Variants in ARFGEF3 observed in about 807,000 individuals in gnomAD.
ARFGEF3 encodes brefeldin A-inhibited guanine nucleotide-exchange protein 3.
In ARFGEF3, 96 loss-of-function variants were observed where a neutral mutation model predicts 221.7. The ratio of observed to expected loss-of-function variants is 0.43; its 90% CI spans 0.37 to 0.51. ARFGEF3 has a LOEUF of 0.51. ARFGEF3 is among the 20% of genes least tolerant of loss of function. The pLI is 0.00. For synonymous variants in ARFGEF3, 1,145 were observed against 1,126.8 expected, an observed-to-expected ratio of 1.02 and a Z score of -0.32; for missense variants, 2,410 against 2,789.9, an observed-to-expected ratio of 0.86 and a Z score of 3.07.
rs1780439789 is a variant in ARFGEF3, at chr6:138,342,084, T to C, written c.*5598T>C. ...CAACTGTTCGTACTGTTAATTCCTA[T>C]CCTGAAGGTTTAACCAGTGGTTGTC... is the stretch of plus-strand genomic sequence containing the variant. On this transcript the variant is annotated 3_prime_UTR_variant, in exon 34 of 34. Transcript: ENST00000251691. 6.6e-6 allele frequency: 1 copy of C among 152,204 alleles called. No homozygotes were observed. The highest frequency in any genetic ancestry group is 2.1e-4 in the South Asian group (1 of 4,826). 9.4% of individuals were successfully genotyped at this position (152,204 alleles called of 1,614,324 possible).
intron 8 of ARFGEF3, among the ~76,000 whole-genome samples, chr6:138,252,090 C>T (rs1251260853): frequency 6.6e-6 from 1 of 152,174 alleles, no homozygotes; most frequent in Admixed American, 6.5e-5. Flanking sequence ...TTTGTGGAGA[C>T]TCAGCCTTTC....
rs758591356 is a variant in ARFGEF3 at position 138,291,091 on chromosome 6, G to A, written c.3048-642G>A. Among the ~76,000 whole-genome samples, 19 of 152,070 alleles carry A rather than the reference G, an allele frequency of 1.2e-4. No homozygotes were observed. Among genetic ancestry groups the A allele is most frequent in the Non-Finnish European group, 2.1e-4 (14 of 68,014 alleles). On this transcript the variant is annotated intron_variant, in intron 18 of 33. Transcript: ENST00000251691. This position sits in a 1 kb window ranked among gnomAD's most constrained non-coding sequence, Gnocchi z 4.5. ...ATGAGGGACCTTGCGAACCATCTTC[G>A]TCCCAGGTTCTGTTGGGAACAAACC...
At chr6:138,233,557 T>G (rs941300032) in intron 5 of ARFGEF3, among the ~76,000 whole-genome samples, 3 of 152,072 alleles carry the variant, frequency 2.0e-5, no homozygotes, top group Non-Finnish European at 2.9e-5. Flanking sequence ...TTTTGTATTT[T>G]TAGTAGAGTT....
At chr6:138,267,091 C>A (rs1213909394) in intron 12 of ARFGEF3, among the ~76,000 whole-genome samples, 1 of 151,352 alleles carries the variant, frequency 6.6e-6, no homozygotes, top group African/African-American at 2.4e-5. Context: ...TATTAGAGTG[C>A]AGCATGGCCA....
rs910027541 is a variant in ARFGEF3 at position 138,210,060 on chromosome 6, A to C, written c.351+19A>C. On this transcript the variant is annotated intron_variant, in intron 4 of 33. Coordinates refer to ENST00000251691, the MANE Select transcript of ARFGEF3 (RefSeq NM_020340.5). ...GATGAAGGTTGGTTTGACGTGGCCAAGAGTGTGCGTCACTGGGACAGGAAC... is the reference window on the plus strand; with the variant it reads ...GATGAAGGTTGGTTTGACGTGGCCACGAGTGTGCGTCACTGGGACAGGAAC... 3.7e-6 allele frequency: 6 copies of C among 1,612,114 alleles called. No homozygotes were observed. The African/African-American group carries it at 4.0e-5, about 11-fold the overall frequency.
chr6:138,341,329 C>A lies in ARFGEF3; in HGVS notation c.*4843C>A, dbSNP rs573756469. 1 of 154,926 alleles carries A rather than the reference C, an allele frequency of 6.5e-6. No individual in the cohort carries two copies. Among genetic ancestry groups the A allele is most frequent in the South Asian group, 2.0e-4 (1 of 4,926 alleles). The allele number at this position is 154,926 out of a possible 1,614,324, so 9.6% of individuals were successfully genotyped here. On this transcript the variant is annotated 3_prime_UTR_variant, in exon 34 of 34. Transcript: ENST00000251691. ...TCTGAAGAGGAAGCAGCTGGTTGGA[C>A]AGGATTTCTTGAAGAGCCAGGTGCT...
At chr6:138,214,810 G>A (rs1777804752) in intron 4 of ARFGEF3, among the ~76,000 whole-genome samples, 1 of 152,214 alleles carries the variant, frequency 6.6e-6, no homozygotes, top group African/African-American at 2.4e-5. Context: ...AGTGAAGCCT[G>A]CTTCTGACAA....
intron 4 of ARFGEF3, among the ~76,000 whole-genome samples, chr6:138,226,420 T>C (rs1368250762): frequency 6.6e-6 from 1 of 152,232 alleles, no homozygotes; most frequent in Non-Finnish European, 1.5e-5. Flanking sequence ...TATTCAATTA[T>C]CTGGGACTTT....
intron 1 of ARFGEF3, among the ~76,000 whole-genome samples, chr6:138,164,618 C>G (rs556569491): frequency 6.6e-6 from 1 of 152,168 alleles, no homozygotes; most frequent in Non-Finnish European, 1.5e-5. Flanking sequence ...GTGCAAGAGA[C>G]AAAAAAGCTA....
intron 31 of ARFGEF3, 131 bp from the exon 32 acceptor site, chr6:138,327,890 A>G (rs570028433): frequency 1.5e-6 from 1 of 667,610 alleles, no homozygotes; most frequent in Non-Finnish European, 2.5e-6. Flanking sequence ...CTCAACAAAC[A>G]TATCAAATAG....
chr6:138,336,487 C>T lies in ARFGEF3; in HGVS notation c.*1C>T. 1 of 1,600,406 alleles carries T rather than the reference C, an allele frequency of 6.2e-7. No individual in the cohort carries two copies. Among genetic ancestry groups the T allele is most frequent in the Non-Finnish European group, 8.5e-7 (1 of 1,173,330 alleles). On this transcript the variant is annotated 3_prime_UTR_variant, in exon 34 of 34. Transcript: ENST00000251691. ...CCGTGTCTATGACATCATTGTGTAG[C>T]CGACTCCTGTTCTACTCTCCCACCA...
intron 5 of ARFGEF3, among the ~76,000 whole-genome samples, chr6:138,232,544 GT>G (rs1408921647): frequency 6.6e-6 from 1 of 152,120 alleles, no homozygotes; most frequent in Non-Finnish European, 1.5e-5. Context: ...GTGTTTGCTG[GT>G]TTGATCTTAT....
At chr6:138,199,277 T>C (rs1321075602) in intron 2 of ARFGEF3, among the ~76,000 whole-genome samples, 1 of 152,214 alleles carries the variant, frequency 6.6e-6, no homozygotes, top group Non-Finnish European at 1.5e-5. Flanking sequence ...ATCTAAGCCA[T>C]TTCAACCAGA....
chr6:138,331,928 C>T (rs1780235051), intron 32 of ARFGEF3, among the ~76,000 whole-genome samples: 2 of 152,090 alleles, frequency 1.3e-5, no homozygotes, highest in African/African-American at 4.8e-5. Flanking sequence ...CCCTTTAACC[C>T]ACACCTAAGG....
Position 138,291,718 on chromosome 6 carries a change from C to T in ARFGEF3, c.3048-15C>T. ...GCTGCAGCGCCTAACAGCTGCTTGTCTGTGCTCTTTCTAGGGTGTGTGAAT... is the reference window on the plus strand; with the variant it reads ...GCTGCAGCGCCTAACAGCTGCTTGTTTGTGCTCTTTCTAGGGTGTGTGAAT... On this transcript the variant is annotated splice_polypyrimidine_tract_variant and intron_variant, in intron 18 of 33. Coordinates refer to ENST00000251691, the MANE Select transcript of ARFGEF3 (RefSeq NM_020340.5). This position sits in a 1 kb window ranked among gnomAD's most constrained non-coding sequence, Gnocchi z 4.5. The T allele has an allele frequency of 1.5e-6, 2 of 1,330,258 alleles. No individual in the cohort carries two copies. The highest frequency in any genetic ancestry group is 1.9e-6 in the Non-Finnish European group (2 of 1,032,724). 82.4% of individuals were successfully genotyped at this position (1,330,258 alleles called of 1,614,324 possible). A position where few individuals can be genotyped will look rare whatever the true frequency, so the allele number is the denominator to read the frequency against.
intron 5 of ARFGEF3, among the ~76,000 whole-genome samples, chr6:138,234,474 C>CTGTGTG (rs760043386): frequency 1.4e-5 from 2 of 143,676 alleles, no homozygotes; most frequent in Non-Finnish European, 3.0e-5. Flanking sequence ...TCAGTTCACC[C>CTGTGTG]CGTGTGTGTG....
intron 2 of ARFGEF3, among the ~76,000 whole-genome samples, chr6:138,186,726 C>T (rs1355605878): frequency 6.6e-6 from 1 of 152,086 alleles, no homozygotes; most frequent in Non-Finnish European, 1.5e-5. Context: ...TGAAGAGGTG[C>T]TGGAGATATC....
In ARFGEF3 at chr6:138,317,308, G is replaced by T. The variant is rs1463472537; in HGVS notation, c.4403G>T (p.Cys1468Phe). 1 of 1,613,946 alleles carries T rather than the reference G, an allele frequency of 6.2e-7. No individual in the cohort carries two copies. The highest frequency in any genetic ancestry group is 8.5e-7 in the Non-Finnish European group (1 of 1,179,870). ...CAGCTGACAGCGGCTGTGTCCAATT[G>T]TCCACGGCAGCACCAACCACCAACT... ...LEQLTAAVSNCPRQHQPPTLD... is the reference protein window; with the variant it reads ...LEQLTAAVSNFPRQHQPPTLD... Residue 1468 changes from cysteine to phenylalanine, a missense_variant, in exon 27 of 34, where the codon TGT becomes TTT. By Grantham distance (205) the Cys-to-Phe change is radical (BLOSUM62 -2). This residue lies in a region of ARFGEF3 where 723 missense variants were observed against 991.9 expected (regional missense o/e 0.73). Coordinates refer to ENST00000251691, the MANE Select transcript of ARFGEF3 (RefSeq NM_020340.5).
intron 5 of ARFGEF3, among the ~76,000 whole-genome samples, chr6:138,232,460 G>A (rs1394048539): frequency 6.6e-6 from 1 of 152,062 alleles, no homozygotes; most frequent in Non-Finnish European, 1.5e-5. Context: ...CTGTTCCATT[G>A]GAAAGGTTTT....
Sources: allele counts gnomAD v4.1 joint callset (sites outside exome capture counted in the v4.1 genomes callset), GRCh38; gene constraint gnomAD v4.1.1; regional missense constraint gnomAD v4.1.1; non-coding constraint Gnocchi (gnomAD v3.1); transcripts MANE v1.5; gene names NCBI Gene and HGNC (gene_info 2026-07-23, HGNC 2026-07-21).